Variants in DENND10 observed in about 807,000 individuals in gnomAD.
DENND10 encodes DENN domain-containing protein 10.
DENND10 carries 24 observed loss-of-function variants against 43.6 expected under a neutral mutation model. The observed-to-expected ratio is 0.55, with a 90% CI of 0.40 to 0.77. The LOEUF (loss-of-function observed/expected upper bound fraction) is 0.77, where lower values mean the gene tolerates loss of function less well. DENND10 is among the 30% of genes least tolerant of loss of function. The pLI is 0.00. For synonymous variants in DENND10, 125 were observed against 157.6 expected (o/e 0.79, Z 1.55); for missense variants, 303 against 429.9 (o/e 0.70, Z 2.61).
intron 1 of DENND10, chr10:119,105,504 CTG>C: frequency 1.7e-6 from 2 of 1,174,456 alleles, no homozygotes; most frequent in African/African-American, 3.2e-5. Flanking sequence ...AGGTGGATTA[CTG>C]TATTTATTTC....
chr10:119,117,810 A>G, intron 4 of DENND10, 143 bp downstream of exon 4: 2 of 753,658 alleles, frequency 2.7e-6, no homozygotes, highest in Non-Finnish European at 4.0e-6. Flanking sequence ...CACTAAAAAT[A>G]CAAAAAATTA....
At chr10:119,133,892 G>A (rs1357695304) in intron 8 of DENND10, 3 of 152,224 alleles carry the variant, frequency 2.0e-5, no homozygotes, top group South Asian at 2.1e-4. Flanking sequence ...TTGCATTACT[G>A]TGTTGTTCAC....
At chr10:119,131,954 C>T (rs1169986184) in intron 7 of DENND10, among the ~76,000 whole-genome samples, 1 of 152,228 alleles carries the variant, frequency 6.6e-6, no homozygotes, top group Admixed American at 6.5e-5. Context: ...TGAATGGAGT[C>T]TGTCTCTTGA....
At chr10:119,116,542 C>T (rs1845282974) in intron 3 of DENND10, among the ~76,000 whole-genome samples, 1 of 152,180 alleles carries the variant, frequency 6.6e-6, no homozygotes, top group Admixed American at 6.5e-5. Flanking sequence ...ATCCTGGGAC[C>T]TCAGGAAGTT....
rs1846138621 is a variant in DENND10, at chr10:119,132,688, A to C, written c.897+79A>C. On this transcript the variant is annotated intron_variant, in intron 8 of 8. Transcript: ENST00000361432. The surrounding 1 kb of genome is among the most constrained non-coding windows in gnomAD (Gnocchi z 4.2). ...GGTGTGCGGCAGAGCTGTGCACATA[A>C]GCAGAGTGGGGGGCTGTGGTAGAGG... The C allele has an allele frequency of 8.5e-7, 1 of 1,180,824 alleles. No homozygotes were observed. The highest frequency in any genetic ancestry group is 1.5e-5 in the African/African-American group (1 of 66,620). The allele number at this position is 1,180,824 out of a possible 1,614,324, so 73.1% of individuals were successfully genotyped here. A position where few individuals can be genotyped will look rare whatever the true frequency, so the allele number is the denominator to read the frequency against.
chr10:119,136,441 T>A, intron 8 of DENND10, 30 bp from the exon 9 acceptor site: 1 of 1,583,348 alleles, frequency 6.3e-7, no homozygotes. Context: ...GATACTAACA[T>A]GTTGCATATA....
chr10:119,133,519 C>T (rs978650560), intron 8 of DENND10: 4 of 152,164 alleles, frequency 2.6e-5, no homozygotes, highest in African/African-American at 9.7e-5. Context: ...AATCCCTGCC[C>T]TCATGGAGTC....
At chr10:119,117,426 T>G in intron 3 of DENND10, 93 bp from the exon 4 acceptor site, 1 of 1,350,432 alleles carries the variant, frequency 7.4e-7, no homozygotes. Flanking sequence ...TGGCCTCGGA[T>G]TCTTGAGAAG....
At chr10:119,120,209 C>T (rs1167864079) in intron 4 of DENND10, 132 bp from the exon 5 acceptor site, 1 of 554,024 alleles carries the variant, frequency 1.8e-6, no homozygotes, top group East Asian at 3.4e-5. Context: ...TATCTTGCCA[C>T]TGCATTCCAG....
At chr10:119,133,449 G>C (rs1846173160) in intron 8 of DENND10, 1 of 152,278 alleles carries the variant, frequency 6.6e-6, no homozygotes, top group African/African-American at 2.4e-5. Context: ...CATTTACTCA[G>C]TGTTTCTTGA....
intron 3 of DENND10, among the ~76,000 whole-genome samples, chr10:119,117,214 T>G (rs1845331431): frequency 6.6e-6 from 1 of 151,428 alleles, no homozygotes; most frequent in Non-Finnish European, 1.5e-5. Flanking sequence ...TCTACTAAAA[T>G]TACAAAACTT....
intron 7 of DENND10, among the ~76,000 whole-genome samples, chr10:119,130,015 T>C (rs187269773): frequency 8.9e-4 from 133 of 149,730 alleles, no homozygotes; most frequent in African/African-American, 3.2e-3. Flanking sequence ...TTCTTCTTCT[T>C]TTTTTTTTTG....
intron 6 of DENND10, among the ~76,000 whole-genome samples, chr10:119,127,505 G>C (rs1397210763): frequency 2.0e-5 from 3 of 151,956 alleles, no homozygotes; most frequent in Non-Finnish European, 4.4e-5. Context: ...TTGAGACAGA[G>C]TCTCGCTCTG....
At chr10:119,118,507 G>A (rs1382476811) in intron 4 of DENND10, among the ~76,000 whole-genome samples, 1 of 152,142 alleles carries the variant, frequency 6.6e-6, no homozygotes, top group Non-Finnish European at 1.5e-5. Context: ...AACTCTGAAG[G>A]CGAGGCTGCC....
At chr10:119,121,579 C>T (rs1375095998) in intron 5 of DENND10, among the ~76,000 whole-genome samples, 2 of 151,500 alleles carry the variant, frequency 1.3e-5, no homozygotes, top group Non-Finnish European at 2.9e-5. Flanking sequence ...CTCAGCCTCC[C>T]GAGTAGCTGA....
intron 3 of DENND10, 96 bp from the exon 4 acceptor site, chr10:119,117,423 G>A (rs753396940): frequency 3.3e-5 from 44 of 1,317,232 alleles, no homozygotes; most frequent in Admixed American, 6.6e-5. Flanking sequence ...AGGTGGCCTC[G>A]GATTCTTGAG....
intron 1 of DENND10, among the ~76,000 whole-genome samples, chr10:119,104,502 A>G (rs1193676899): frequency 6.7e-6 from 1 of 150,144 alleles, no homozygotes; most frequent in Non-Finnish European, 1.5e-5. Context: ...TGCCCGGCGG[A>G]GCCGGGACGT....
intron 3 of DENND10, among the ~76,000 whole-genome samples, chr10:119,115,105 G>A (rs1324309115): frequency 1.3e-5 from 2 of 151,972 alleles, no homozygotes; most frequent in Non-Finnish European, 2.9e-5. Context: ...TTGGTTTTTT[G>A]TTGTTGGTAG....
intron 2 of DENND10, among the ~76,000 whole-genome samples, chr10:119,109,986 A>T (rs1357633769): frequency 6.6e-6 from 1 of 150,892 alleles, no homozygotes; most frequent in Admixed American, 6.6e-5. Context: ...CTAGTTTTTA[A>T]ATTTTTTGTA....
Sources: gnomAD v4.1 joint callset for allele counts (sites outside exome capture counted in the v4.1 genomes callset) on GRCh38, gnomAD v4.1.1 for gene constraint, Gnocchi (gnomAD v3.1) non-coding constraint, MANE v1.5 for transcripts, NCBI Gene and HGNC (gene_info 2026-07-23, HGNC 2026-07-21) for gene names.